FRMPD4: variants seen among roughly 807,000 people sequenced by gnomAD.
FRMPD4 encodes FERM and PDZ domain-containing protein 4.
In FRMPD4, 22 loss-of-function variants were observed where a neutral mutation model predicts 94.1. The ratio of observed to expected loss-of-function variants is 0.23; its 90% CI spans 0.17 to 0.33. The LOEUF (loss-of-function observed/expected upper bound fraction) is 0.33, where lower values mean the gene tolerates loss of function less well. Ranked by LOEUF, FRMPD4 falls within the 10% of genes least tolerant of loss-of-function variation. The pLI is 1.00. For missense variants in FRMPD4, 1,111 were observed against 1,339.9 expected (o/e 0.83, Z 2.67); for synonymous variants, 631 against 548.6 (o/e 1.15, Z -2.10).
intron 1 of FRMPD4, among the ~76,000 whole-genome samples, chrX:12,144,413 G>C (rs1320043726): frequency 1.9e-5 from 2 of 105,605 alleles, no homozygotes; most frequent in East Asian, 6.1e-4. Flanking sequence ...CTAAGCCTTA[G>C]TTTTAGATAA....
intron 3 of FRMPD4, among the ~76,000 whole-genome samples, chrX:12,080,267 A>G (rs954500204): frequency 1.8e-5 from 2 of 112,513 alleles, no homozygotes; most frequent in African/African-American, 6.5e-5. Flanking sequence ...CTTGGTTTAC[A>G]CTTGTTTTCC....
intron 1 of FRMPD4, among the ~76,000 whole-genome samples, chrX:12,457,527 T>C (rs2057346689): frequency 8.9e-6 from 1 of 111,827 alleles, no homozygotes. Context: ...TAGATACTAT[T>C]ATTATCTCCA....
At chrX:11,905,998 C>A (rs2053965091) in intron 3 of FRMPD4, among the ~76,000 whole-genome samples, 1 of 111,225 alleles carries the variant, frequency 9.0e-6, no homozygotes, top group Non-Finnish European at 1.9e-5. Flanking sequence ...ATTTACATCA[C>A]TTTAAAGAGC....
At chrX:12,442,699 G>GTTAT (rs2057151929) in intron 1 of FRMPD4, among the ~76,000 whole-genome samples, 1 of 111,535 alleles carries the variant, frequency 9.0e-6, no homozygotes, top group African/African-American at 3.3e-5. Context: ...TACACAGAGA[G>GTTAT]TTATTATATA....
intron 3 of FRMPD4, among the ~76,000 whole-genome samples, chrX:11,926,747 A>T (rs1202997426): frequency 9.0e-6 from 1 of 111,723 alleles, no homozygotes; most frequent in East Asian, 2.8e-4. Context: ...GTATTGAAGG[A>T]ACACACTCAA....
chrX:12,025,476 C>A (rs1361059393), intron 3 of FRMPD4, among the ~76,000 whole-genome samples: 3 of 111,593 alleles, frequency 2.7e-5, no homozygotes, highest in African/African-American at 9.8e-5. Flanking sequence ...AACAAGCTGG[C>A]CTCCTAGTAT....
intron 1 of FRMPD4, among the ~76,000 whole-genome samples, chrX:12,439,012 T>C (rs1039817836): frequency 3.6e-5 from 4 of 111,115 alleles, no homozygotes; most frequent in African/African-American, 1.3e-4. Context: ...GATATGTTTG[T>C]ATAGTGAACA....
At chrX:12,391,058 A>T (rs1478294738) in intron 1 of FRMPD4, among the ~76,000 whole-genome samples, 1 of 112,137 alleles carries the variant, frequency 8.9e-6, no homozygotes, top group Non-Finnish European at 1.9e-5. Context: ...CTTAGAGCTA[A>T]GGCCCTTTTA....
intron 3 of FRMPD4, among the ~76,000 whole-genome samples, chrX:12,115,527 C>T (rs983566968): frequency 3.6e-5 from 4 of 111,138 alleles, no homozygotes; most frequent in Non-Finnish European, 7.5e-5. Context: ...GCCTGTCTCT[C>T]ATGGTGTTGT....
intron 2 of FRMPD4, among the ~76,000 whole-genome samples, chrX:12,554,390 T>C (rs1037715037): frequency 9.0e-6 from 1 of 111,545 alleles, no homozygotes; most frequent in African/African-American, 3.3e-5. Flanking sequence ...TTCCAAACAA[T>C]GTGCCTTCCA....
intron 2 of FRMPD4, among the ~76,000 whole-genome samples, chrX:12,513,182 T>C (rs1467129718): frequency 8.9e-6 from 1 of 112,303 alleles, no homozygotes. Context: ...TTCACTCTGA[T>C]GATAGTTTAT....
intron 9 of FRMPD4, among the ~76,000 whole-genome samples, chrX:12,695,813 C>T (rs769397106): frequency 6.3e-4 from 69 of 109,507 alleles, no homozygotes; most frequent in Non-Finnish European, 8.0e-4. Flanking sequence ...CTTGGCTCAC[C>T]GCAACCTCTG....
intron 1 of FRMPD4, among the ~76,000 whole-genome samples, chrX:12,231,539 C>A (rs1038901892): frequency 9.0e-6 from 1 of 111,201 alleles, no homozygotes; most frequent in African/African-American, 3.3e-5. Flanking sequence ...TAAGCCCTTA[C>A]AACCAAAAGT....
rs1425919472 is a variant in FRMPD4 at position 12,723,685 on chromosome X, A to G, written c.*1827A>G. 1 of 111,431 alleles carries G rather than the reference A, an allele frequency of 9.0e-6. No individual in the cohort carries two copies. The highest frequency in any genetic ancestry group is 9.6e-5 in the Admixed American group (1 of 10,451). The allele number at this position is 111,431 out of a possible 1,213,427, so 9.2% of individuals were successfully genotyped here. On this transcript the variant is annotated 3_prime_UTR_variant, in exon 17 of 17. Transcript: ENST00000675598. ...TGTGCCCTATGTCAGACAGTGTGCT[A>G]AGCATATTAACTATATTATCTCATT...
chrX:12,114,001 G>A (rs5978483), intron 3 of FRMPD4, among the ~76,000 whole-genome samples: 26,157 of 111,030 alleles, frequency 0.24, 2,835 homozygotes, highest in African/African-American at 0.43. Context: ...ATAACTTTAA[G>A]TGACTCCAAT....
chrX:12,698,637 T>C (rs2060157981), intron 9 of FRMPD4, among the ~76,000 whole-genome samples: 1 of 110,215 alleles, frequency 9.1e-6, no homozygotes, highest in Non-Finnish European at 1.9e-5. Context: ...GGAATATATA[T>C]ATATGTTCCA....
At chrX:12,049,396 A>G (rs1232064037) in intron 3 of FRMPD4, among the ~76,000 whole-genome samples, 2 of 111,362 alleles carry the variant, frequency 1.8e-5, no homozygotes, top group Non-Finnish European at 3.8e-5. Flanking sequence ...GCAGAGTCTT[A>G]AGGGTTTCCT....
intron 1 of FRMPD4, among the ~76,000 whole-genome samples, chrX:12,385,707 G>C (rs1228128341): frequency 1.8e-5 from 2 of 112,332 alleles, no homozygotes; most frequent in African/African-American, 6.5e-5. Context: ...TTTAAGGAAA[G>C]TATATTAACA....
intron 1 of FRMPD4, among the ~76,000 whole-genome samples, chrX:12,143,006 C>T (rs985235662): frequency 3.6e-5 from 4 of 112,132 alleles, no homozygotes; most frequent in Admixed American, 9.5e-5. Context: ...TGAGGTTAAC[C>T]GTGGAAGTTT....
Sources: allele counts gnomAD v4.1 joint callset (sites outside exome capture counted in the v4.1 genomes callset), GRCh38; gene constraint gnomAD v4.1.1; transcripts MANE v1.5; gene names NCBI Gene and HGNC (gene_info 2026-07-23, HGNC 2026-07-21).